The following LINGO1 variants were observed in gnomAD, a reference collection of about 807,000 sequenced individuals.
The protein encoded by LINGO1 is leucine-rich repeat and immunoglobulin-like domain-containing nogo receptor-interacting protein 1.
A neutral mutation model predicts 37.3 loss-of-function variants in LINGO1; 11 were observed. The observed-to-expected ratio is 0.29, with a 90% CI of 0.19 to 0.49. The LOEUF (loss-of-function observed/expected upper bound fraction) is 0.49. Ranked by LOEUF, LINGO1 falls within the 20% of genes least tolerant of loss-of-function variation. LINGO1 has a pLI of 0.99. For synonymous variants in LINGO1, 387 were observed against 403.0 expected (o/e 0.96, Z 0.48); for missense variants, 585 against 878.2 (o/e 0.67, Z 4.22).
Position 77,613,480 on chromosome 15 carries a change from C to T in LINGO1, c.*564G>A, listed in dbSNP as rs775143450. 2.2e-4 allele frequency: 34 copies of T among 157,102 alleles called. No individual in the cohort carries two copies. The highest frequency in any genetic ancestry group is 2.0e-4 in the Non-Finnish European group (14 of 70,904). The allele number at this position is 157,102 out of a possible 1,614,324, so 9.7% of individuals were successfully genotyped here. Reference sequence around the variant, plus strand: ...AGCCTGCTCCTGATGGTGCCTGGGGCGGGGTGGGCAGGTGGGTGGGGCTGG... The same window carrying T: ...AGCCTGCTCCTGATGGTGCCTGGGGTGGGGTGGGCAGGTGGGTGGGGCTGG... On this transcript the variant is annotated 3_prime_UTR_variant, in exon 2 of 2. Coordinates refer to ENST00000355300, the MANE Select transcript of LINGO1 (RefSeq NM_032808.7).
chr15:77,773,215 T>C (rs1350582594), intron 1 of LINGO1, among the ~76,000 whole-genome samples: 1 of 152,224 alleles, frequency 6.6e-6, no homozygotes, highest in African/African-American at 2.4e-5. Context: ...CCGGACCATG[T>C]GACTGCTGAA....
chr15:77,684,365 A>G (rs929561692), intron 2 of LINGO1, among the ~76,000 whole-genome samples: 1 of 152,210 alleles, frequency 6.6e-6, no homozygotes, highest in Non-Finnish European at 1.5e-5. Context: ...GACTTGCTCA[A>G]GCTCACACAG....
At chr15:77,656,659 C>T (rs2074873348) in intron 3 of LINGO1, among the ~76,000 whole-genome samples, 1 of 152,174 alleles carries the variant, frequency 6.6e-6, no homozygotes, top group South Asian at 2.1e-4. Flanking sequence ...CAGGGACTCC[C>T]AGTCCTGTCC....
chr15:77,746,979 G>A (rs1249216641), intron 1 of LINGO1, among the ~76,000 whole-genome samples: 1 of 152,098 alleles, frequency 6.6e-6, no homozygotes, highest in Admixed American at 6.5e-5. Context: ...GCCAGGAGAG[G>A]GCAGGGACTT....
chr15:77,718,049 A>T (rs2076005932), intron 2 of LINGO1, among the ~76,000 whole-genome samples: 1 of 150,812 alleles, frequency 6.6e-6, no homozygotes, highest in Non-Finnish European at 1.5e-5. Flanking sequence ...GGTGCCCAAG[A>T]GGATGCTCAT....
chr15:77,619,390 G>A (rs557993659), intron 1 of LINGO1, among the ~76,000 whole-genome samples: 2 of 152,242 alleles, frequency 1.3e-5, no homozygotes, highest in Admixed American at 1.3e-4. Flanking sequence ...GTTGGAAGCC[G>A]GGCATGGTGG....
At chr15:77,715,174 C>G (rs565422031) in intron 2 of LINGO1, among the ~76,000 whole-genome samples, 1 of 152,152 alleles carries the variant, frequency 6.6e-6, no homozygotes, top group Admixed American at 6.5e-5. Flanking sequence ...GCATGCTGCA[C>G]GTACCCCATA....
In LINGO1 at chr15:77,632,849, T is replaced by TCCGGCTCCCGCG. The variant is rs1161710036; in HGVS notation, c.-546_-535dup. 2.0e-5 allele frequency among the ~76,000 whole-genome samples: 3 copies of TCCGGCTCCCGCG among 148,964 alleles called. No individual in the cohort carries two copies. Among genetic ancestry groups the TCCGGCTCCCGCG allele is most frequent in the Non-Finnish European group, 4.5e-5 (3 of 66,970 alleles). On this transcript the variant is annotated 5_prime_UTR_variant, in exon 1 of 2. Coordinates refer to ENST00000355300, the MANE Select transcript of LINGO1 (RefSeq NM_032808.7). This position sits in a 1 kb window ranked among gnomAD's most constrained non-coding sequence, Gnocchi z 6.0. ...GCCTGCGCTGTCGCCCGCCGCCCGC[T>TCCGGCTCCCGCG]CCGGCTCCCGCGCCGGCTCCCGCTC...
rs76401403 is a variant in LINGO1, at chr15:77,813,128, G to A, written c.-458+7130C>T. On this transcript the variant is annotated intron_variant, in intron 1 of 5. Transcript: ENST00000562933. ...ACCGCCCCCAGGCCTTGCATATAGT[G>A]GGTACACAGTAAATAATAAATGTTC... Among the ~76,000 whole-genome samples the A allele has an allele frequency of 9.4e-3, 1,438 of 152,368 alleles. 23 individuals are homozygous for A. Among genetic ancestry groups the A allele is most frequent in the African/African-American group, 0.033 (1,369 of 41,584 alleles).
At position 77,760,974 on chromosome 15, in the gene LINGO1, T is replaced by C. The variant is rs1360559233; in HGVS notation, c.-257+25895A>G. On this transcript the variant is annotated intron_variant, in intron 1 of 3. Coordinates refer to the LINGO1 transcript ENST00000561686. ...CAAGGTCTCACTCTGTCACCCAGGC[T>C]GGAGTGCAGTGGCATGACCTCAGCT... is the stretch of plus-strand genomic sequence containing the variant. 5.0e-5 allele frequency among the ~76,000 whole-genome samples: 7 copies of C among 139,736 alleles called. No individual in the cohort carries two copies. In the East Asian group the frequency reaches 1.3e-3, roughly 25 times the overall value. 91.7% of individuals were successfully genotyped at this position (139,736 alleles called of 152,430 possible).
chr15:77,727,607 C>T (rs1014462539), intron 2 of LINGO1, among the ~76,000 whole-genome samples: 1 of 152,030 alleles, frequency 6.6e-6, no homozygotes, highest in East Asian at 1.9e-4. Context: ...GGTTGTTGTC[C>T]AGTGGATACA....
At position 77,615,014 on chromosome 15, in the gene LINGO1, G is replaced by C; in HGVS notation, c.893C>G (p.Pro298Arg). The C allele has an allele frequency of 6.2e-7, 1 of 1,614,062 alleles. No individual in the cohort carries two copies. The highest frequency in any genetic ancestry group is 1.3e-5 in the African/African-American group (1 of 75,064). The change falls in exon 2 of 2, where the codon CCC becomes CGC. Residue 298 changes from proline (P) to arginine (R), a missense_variant. Transcript: ENST00000355300. ...YLRFLNLSYN[P>R]ISTIEGSMLH... ...CATGGAGCCCTCAATGGTGCTGATG[G>C]GGTTGTAGGAGAGGTTGAGGAAGCG...
intron 1 of LINGO1, among the ~76,000 whole-genome samples, chr15:77,749,983 G>A (rs868078409): frequency 2.0e-5 from 3 of 152,114 alleles, no homozygotes; most frequent in Non-Finnish European, 4.4e-5. Flanking sequence ...GCACTTTACA[G>A]GTGGAGAAAG....
intron 1 of LINGO1, among the ~76,000 whole-genome samples, chr15:77,762,903 G>GGACT (rs1596201184): frequency 6.6e-6 from 1 of 152,278 alleles, no homozygotes; most frequent in East Asian, 1.9e-4. Flanking sequence ...GCTCCCTAAG[G>GGACT]GACTGAGGCT....
chr15:77,675,741 T>C (rs1281827791), intron 3 of LINGO1, among the ~76,000 whole-genome samples: 1 of 152,014 alleles, frequency 6.6e-6, no homozygotes, highest in Non-Finnish European at 1.5e-5. Context: ...AGGTAACATA[T>C]AGAGAACATA....
Position 77,813,432 on chromosome 15 carries a change from G to A in LINGO1, c.-458+6826C>T, listed in dbSNP as rs182160794. Among the ~76,000 whole-genome samples the A allele has an allele frequency of 6.6e-5, 10 of 152,270 alleles. No homozygotes were observed. In the East Asian group the frequency reaches 1.9e-3, roughly 29 times the overall value. On this transcript the variant is annotated intron_variant, in intron 1 of 5. Transcript: ENST00000562933. ...GGGACATAGGCTTGGGCAAGGTGCC[G>A]AGGGGTCAGAACGCCAGCCTGGAGG...
At chr15:77,744,667 T>C (rs2076295860) in intron 1 of LINGO1, among the ~76,000 whole-genome samples, 1 of 152,236 alleles carries the variant, frequency 6.6e-6, no homozygotes, top group African/African-American at 2.4e-5. Context: ...CTAGGTTCTA[T>C]CAGTATTCCC....
At chr15:77,765,980 A>G (rs186444801) in intron 1 of LINGO1, among the ~76,000 whole-genome samples, 59 of 152,304 alleles carry the variant, frequency 3.9e-4, no homozygotes, top group Admixed American at 8.5e-4. Context: ...CAGCTCAGGG[A>G]CTTCTGACCA....
chr15:77,678,591 T>G (rs189325677), intron 2 of LINGO1, among the ~76,000 whole-genome samples: 78 of 152,338 alleles, frequency 5.1e-4, no homozygotes, highest in African/African-American at 1.7e-3. Flanking sequence ...TTGTTTCCAG[T>G]TTTTGGAGAT....
Sources: allele counts gnomAD v4.1 joint callset (sites outside exome capture counted in the v4.1 genomes callset), GRCh38; gene constraint gnomAD v4.1.1; non-coding constraint Gnocchi (gnomAD v3.1); transcripts MANE v1.5; gene names NCBI Gene and HGNC (gene_info 2026-07-23, HGNC 2026-07-21).